The following PTPRM variants were observed in gnomAD, a reference collection of about 807,000 sequenced individuals.
PTPRM encodes protein tyrosine phosphatase receptor type M.
A neutral mutation model predicts 186.7 loss-of-function variants in PTPRM; 47 were observed. The observed-to-expected ratio is 0.25, with a 90% CI of 0.20 to 0.32. The LOEUF (loss-of-function observed/expected upper bound fraction) is 0.32. PTPRM is among the 10% of genes least tolerant of loss of function. The pLI is 1.00. For synonymous variants in PTPRM, 668 were observed against 674.9 expected (o/e 0.99, Z 0.16); for missense variants, 1,494 against 1,865.0 (o/e 0.80, Z 3.66).
At chr18:8,251,171 A>G (rs2094524846) in intron 17 of PTPRM, among the ~76,000 whole-genome samples, 1 of 152,176 alleles carries the variant, frequency 6.6e-6, no homozygotes, top group African/African-American at 2.4e-5. Context: ...TTCCAAGAAT[A>G]CCTAGCCCTG....
chr18:7,985,343 A>G (rs1040555675), intron 7 of PTPRM, among the ~76,000 whole-genome samples: 1 of 130,804 alleles, frequency 7.6e-6, no homozygotes, highest in African/African-American at 2.8e-5. Flanking sequence ...TTGTATATAC[A>G]CATAAATATA....
intron 7 of PTPRM, among the ~76,000 whole-genome samples, chr18:8,041,864 C>T (rs2086714965): frequency 6.6e-6 from 1 of 152,200 alleles, no homozygotes; most frequent in African/African-American, 2.4e-5. Flanking sequence ...CACAAGGGCC[C>T]ATGCTTGTCT....
intron 19 of PTPRM, among the ~76,000 whole-genome samples, chr18:8,285,916 C>T (rs1267028900): frequency 6.6e-6 from 1 of 152,054 alleles, no homozygotes; most frequent in Non-Finnish European, 1.5e-5. Context: ...CACTTGAGCT[C>T]GGGGTCAAGG....
At chr18:7,622,713 G>A (rs563595897) in intron 1 of PTPRM, among the ~76,000 whole-genome samples, 11 of 152,262 alleles carry the variant, frequency 7.2e-5, no homozygotes, top group African/African-American at 9.6e-5. Flanking sequence ...AGAAAATGAC[G>A]TCCCTGCTGA....
At chr18:7,958,397 T>C (rs2053456893) in intron 7 of PTPRM, among the ~76,000 whole-genome samples, 1 of 152,008 alleles carries the variant, frequency 6.6e-6, no homozygotes, top group Non-Finnish European at 1.5e-5. Context: ...GGGAGAGCAA[T>C]CAGGATAGGA....
chr18:7,740,938 C>G (rs139305927), intron 1 of PTPRM, among the ~76,000 whole-genome samples: 143 of 152,290 alleles, frequency 9.4e-4, no homozygotes, highest in Middle Eastern at 6.8e-3. Flanking sequence ...GAATACATAG[C>G]TGAAGCAGGG....
intron 2 of PTPRM, among the ~76,000 whole-genome samples, chr18:7,869,099 G>T (rs1164130629): frequency 1.3e-5 from 2 of 152,222 alleles, no homozygotes; most frequent in Non-Finnish European, 2.9e-5. Context: ...CTGGCAGTGA[G>T]AATTTGAAGC....
chr18:7,907,397 C>T (rs922211554), intron 4 of PTPRM, among the ~76,000 whole-genome samples: 2 of 152,172 alleles, frequency 1.3e-5, no homozygotes, highest in African/African-American at 2.4e-5. Context: ...GGTCTAGACT[C>T]AGATGATGAG....
intron 13 of PTPRM, among the ~76,000 whole-genome samples, chr18:8,123,249 T>C (rs2092237406): frequency 6.6e-6 from 1 of 152,234 alleles, no homozygotes; most frequent in African/African-American, 2.4e-5. Flanking sequence ...AGTCTAGGCC[T>C]GATGAAAGCC....
At chr18:7,589,883 A>G (rs2037078556) in intron 1 of PTPRM, among the ~76,000 whole-genome samples, 1 of 152,210 alleles carries the variant, frequency 6.6e-6, no homozygotes, top group African/African-American at 2.4e-5. Flanking sequence ...TCCAGGAAGC[A>G]GAACTTTGAG....
chr18:7,657,150 C>G (rs549858677), intron 1 of PTPRM, among the ~76,000 whole-genome samples: 17 of 152,276 alleles, frequency 1.1e-4, no homozygotes, highest in African/African-American at 4.1e-4. Context: ...TTCCAGTCAC[C>G]ATACTTACCC....
intron 2 of PTPRM, among the ~76,000 whole-genome samples, chr18:7,812,413 C>T (rs2044573709): frequency 6.6e-6 from 1 of 152,180 alleles, no homozygotes; most frequent in African/African-American, 2.4e-5. Context: ...TACCTGGAGG[C>T]AGCCCCATTC....
At chr18:7,753,786 G>T (rs545858498) in intron 1 of PTPRM, among the ~76,000 whole-genome samples, 1 of 151,856 alleles carries the variant, frequency 6.6e-6, no homozygotes, top group Admixed American at 6.6e-5. Flanking sequence ...TGTTTTGGCC[G>T]TATTTGCTAA....
rs201822221 is a variant in PTPRM at position 7,926,710 on chromosome 18, A to G, written c.663+27A>G. ...TACAGTAACTCATTTTCATCAGTTGATGAGAGTCCAGCGGGAAGAATACAC... is the reference window on the plus strand; with the variant it reads ...TACAGTAACTCATTTTCATCAGTTGGTGAGAGTCCAGCGGGAAGAATACAC... On this transcript the variant is annotated intron_variant, in intron 5 of 32. Coordinates refer to ENST00000580170, the MANE Select transcript of PTPRM (RefSeq NM_001105244.2). The G allele has an allele frequency of 8.2e-5, 128 of 1,561,722 alleles. No homozygotes were observed. The Middle Eastern group carries it at 1.2e-3, about 14-fold the overall frequency.
intron 5 of PTPRM, among the ~76,000 whole-genome samples, chr18:7,940,602 G>T (rs763481453): frequency 1.3e-5 from 2 of 152,106 alleles, no homozygotes; most frequent in Admixed American, 6.5e-5. Flanking sequence ...ACATGGTGGG[G>T]CTGAGTCAGC....
intron 2 of PTPRM, among the ~76,000 whole-genome samples, chr18:7,860,538 C>T (rs1411590187): frequency 1.3e-5 from 2 of 152,160 alleles, no homozygotes; most frequent in African/African-American, 4.8e-5. Flanking sequence ...ACTTGGGAAA[C>T]CCACCTGCTG....
chr18:8,070,052 T>G, intron 8 of PTPRM, 58 bp downstream of exon 8: 1 of 1,464,370 alleles, frequency 6.8e-7, no homozygotes, highest in Non-Finnish European at 9.3e-7. Context: ...AAACAACTTT[T>G]GTTTCGAGAT....
chr18:8,238,414 A>T (rs1412170176), intron 14 of PTPRM, among the ~76,000 whole-genome samples: 3 of 151,650 alleles, frequency 2.0e-5, no homozygotes, highest in Admixed American at 2.0e-4. Context: ...AGGCGTTTTC[A>T]TTCTGTTACA....
chr18:7,627,463 CA>C (rs1168779401), intron 1 of PTPRM, among the ~76,000 whole-genome samples: 1 of 152,152 alleles, frequency 6.6e-6, no homozygotes, highest in Admixed American at 6.5e-5. Flanking sequence ...TGGCCCTTCC[CA>C]GTGACCACCC....
Sources: allele counts gnomAD v4.1 joint callset (sites outside exome capture counted in the v4.1 genomes callset), GRCh38; gene constraint gnomAD v4.1.1; transcripts MANE v1.5; gene names NCBI Gene and HGNC (gene_info 2026-07-23, HGNC 2026-07-21).